Variants in MUC22 observed in about 807,000 individuals in gnomAD.
The protein encoded by MUC22 is mucin-22.
A neutral mutation model predicts 40.3 loss-of-function variants in MUC22; 24 were observed. The ratio of observed to expected loss-of-function variants is 0.60; its 90% CI spans 0.43 to 0.84. MUC22 has a LOEUF of 0.84. Among genes scored for constraint, MUC22 ranks in the 40% least tolerant of loss-of-function variants. The pLI, the probability that MUC22 is intolerant of heterozygous loss-of-function variation, is 0.00. For synonymous variants in MUC22, 765 were observed against 844.5 expected, an observed-to-expected ratio of 0.91 and a Z score of 1.63; for missense variants, 1,926 against 2,130.7, an observed-to-expected ratio of 0.90 and a Z score of 1.89.
chr6:31,025,440 A>T (rs999783598), intron 1 of MUC22, 62 bp from the exon 2 acceptor site: 2 of 1,434,752 alleles, frequency 1.4e-6, no homozygotes, highest in Non-Finnish European at 1.8e-6. Context: ...AAGTAACACT[A>T]TACTAAACCT....
At chr6:31,020,799 C>T (rs578183099) in intron 1 of MUC22, among the ~76,000 whole-genome samples, 2 of 147,878 alleles carry the variant, frequency 1.4e-5, no homozygotes, top group East Asian at 1.9e-4. Context: ...GTGGGCTTGG[C>T]GGCCCCGCAC....
intron 1 of MUC22, 78 bp from the exon 2 acceptor site, chr6:31,025,424 A>G (rs1046635028): frequency 1.0e-5 from 14 of 1,374,120 alleles, no homozygotes; most frequent in Admixed American, 2.9e-5. Flanking sequence ...TACTGAGTAT[A>G]TGTGAAAGTA....
intron 1 of MUC22, among the ~76,000 whole-genome samples, chr6:31,024,723 CG>C (rs891142858): frequency 1.3e-5 from 2 of 152,168 alleles, no homozygotes; most frequent in African/African-American, 4.8e-5. Flanking sequence ...TCTACCGCCT[CG>C]TTTTCTCCTT....
chr6:31,018,415 A>T (rs1245007303), intron 1 of MUC22, among the ~76,000 whole-genome samples: 1 of 152,200 alleles, frequency 6.6e-6, no homozygotes, highest in South Asian at 2.1e-4. Flanking sequence ...CAGAATTAAT[A>T]ATCTACCAGT....
rs561267367 is a variant in MUC22 at position 31,028,398 on chromosome 6, T to G, written c.2967T>G (p.Thr989=). 9.3e-6 allele frequency: 14 copies of G among 1,512,914 alleles called. No individual in the cohort carries two copies. The African/African-American group carries it at 1.3e-4, about 14-fold the overall frequency. The allele number at this position is 1,512,914 out of a possible 1,614,324, so 93.7% of individuals were successfully genotyped here. A position where few individuals can be genotyped will look rare whatever the true frequency, so the allele number is the denominator to read the frequency against. The change falls in exon 2 of 4, where the codon ACT becomes ACG. Residue 989 remains threonine (T), a synonymous_variant. Coordinates refer to ENST00000561890, the Ensembl canonical transcript of MUC22. ...GCTCTGAGACCACCACAGCCTCTAC[T>G]GAAGGCTCCGAGACCACCACAGCCT...
At chr6:31,007,100 G>A (rs1051782124), upstream of MUC22, among the ~76,000 whole-genome samples, 8 of 146,020 alleles carry the variant, frequency 5.5e-5, no homozygotes, top group Non-Finnish European at 3.0e-5. The surrounding 1 kb of genome is among the most constrained non-coding windows in gnomAD (Gnocchi z 4.0). Flanking sequence ...TTATTTCAAT[G>A]TCTACATTTA....
chr6:31,030,055 G>A (rs1352183869), exon 2 of MUC22: 5 of 1,535,110 alleles, frequency 3.3e-6, no homozygotes, highest in African/African-American at 2.7e-5. Context: ...ACTCACCAAG[G>A]CCACTGACGT....
exon 2 of MUC22, chr6:31,029,172 A>G (rs1765781894): frequency 6.5e-7 from 1 of 1,534,784 alleles, no homozygotes; most frequent in Non-Finnish European, 8.7e-7. Context: ...AGACCACCAC[A>G]GCCTCTATTG....
exon 4 of MUC22, chr6:31,034,908 C>A (rs149394903): frequency 6.5e-7 from 1 of 1,535,392 alleles, no homozygotes. Context: ...TGAATCATGG[C>A]GGGCATTATG....
chr6:31,018,493 ACCACTC>A (rs1372532477), intron 1 of MUC22, among the ~76,000 whole-genome samples: 1 of 151,764 alleles, frequency 6.6e-6, no homozygotes, highest in African/African-American at 2.4e-5. Flanking sequence ...TTGGAGAGTT[ACCACTC>A]ATCTGCCTAT....
At chr6:31,018,601 T>TA (rs1202292497) in intron 1 of MUC22, among the ~76,000 whole-genome samples, 1 of 152,286 alleles carries the variant, frequency 6.6e-6, no homozygotes, top group African/African-American at 2.4e-5. Flanking sequence ...CTCTACTTTT[T>TA]ATTCTTCTAT....
intron 1 of MUC22, among the ~76,000 whole-genome samples, chr6:31,013,566 C>T (rs1763996115): frequency 6.6e-6 from 1 of 152,222 alleles, no homozygotes; most frequent in Admixed American, 6.5e-5. Context: ...TCCTACAAGG[C>T]TTCTCATAAA....
Position 31,011,738 on chromosome 6 carries a change from C to G in MUC22, c.70+962C>G, listed in dbSNP as rs998494645. Among the ~76,000 whole-genome samples, 1 of 152,204 alleles carries G rather than the reference C, an allele frequency of 6.6e-6. No individual in the cohort carries two copies. Among genetic ancestry groups the G allele is most frequent in the African/African-American group, 2.4e-5 (1 of 41,442 alleles). ...ATTACTGGATCAAATGGTAGATCTA[C>G]TTTTAGTTCTTTAAGAAATCTCCAC... On this transcript the variant is annotated intron_variant, in intron 1 of 3. Transcript: ENST00000561890. The surrounding 1 kb of genome is among the most constrained non-coding windows in gnomAD (Gnocchi z 4.5).
At chr6:31,012,358 T>C (rs1264189737) in intron 1 of MUC22, among the ~76,000 whole-genome samples, 2 of 151,874 alleles carry the variant, frequency 1.3e-5, no homozygotes, top group African/African-American at 2.4e-5. Context: ...GCCTTCACCC[T>C]GAATGCTTCA....
chr6:31,026,592 C>T lies in MUC22; in HGVS notation c.1161C>T (p.Thr387=), dbSNP rs1041166800. The T allele has an allele frequency of 4.0e-6, 6 of 1,506,108 alleles. 1 individual carries two copies. Among genetic ancestry groups the T allele is most frequent in the African/African-American group, 2.8e-5 (2 of 71,808 alleles). The allele number at this position is 1,506,108 out of a possible 1,614,324, so 93.3% of individuals were successfully genotyped here. A position where few individuals can be genotyped will look rare whatever the true frequency, so the allele number is the denominator to read the frequency against. The stretch of plus-strand genomic sequence containing the variant: ...ACTCTACTACAAGCTCTGAGACCAC[C>T]GTCACCTCTACTGCAGGCTCTGAGA... Residue 387 remains threonine, a synonymous_variant, in exon 2 of 4, where the codon ACC becomes ACT. Transcript: ENST00000561890.
rs909072535 is a variant in MUC22, at chr6:31,010,782, T to C, written c.70+6T>C. 3.8e-5 allele frequency: 27 copies of C among 702,300 alleles called. No homozygotes were observed. Among genetic ancestry groups the C allele is most frequent in the Non-Finnish European group, 6.8e-5 (26 of 384,980 alleles). 43.5% of individuals were successfully genotyped at this position (702,300 alleles called of 1,614,324 possible). On this transcript the variant is annotated splice_donor_region_variant and intron_variant, in intron 1 of 3. Coordinates refer to ENST00000561890, the Ensembl canonical transcript of MUC22. ...CTTTGGACTTCTGGGACCCAGTAAG[T>C]GACTTAGCAGTTAAGGAGGGAGAGG...
chr6:31,010,496 C>G (rs911271841), exon 1 of MUC22: 2 of 552,150 alleles, frequency 3.6e-6, no homozygotes, highest in African/African-American at 3.8e-5. Flanking sequence ...AAATAAGAAG[C>G]CAAACTGTGG....
At position 31,032,055 on chromosome 6, in the gene MUC22, A is replaced by G. The variant is rs572986925; in HGVS notation, c.4670-141A>G. On this transcript the variant is annotated intron_variant, in intron 2 of 3. Transcript: ENST00000561890. This position sits in a 1 kb window ranked among gnomAD's most constrained non-coding sequence, Gnocchi z 4.1. ...GGCCACAGCAGAATCGCTTTCTACC[A>G]TCTCTCCTCCCCCACCACACCTCTC... 8.0e-6 allele frequency: 7 copies of G among 876,468 alleles called. No individual in the cohort carries two copies. The East Asian group carries it at 8.0e-5, about 10-fold the overall frequency. 54.3% of individuals were successfully genotyped at this position (876,468 alleles called of 1,614,324 possible). A position where few individuals can be genotyped will look rare whatever the true frequency, so the allele number is the denominator to read the frequency against.
At position 31,028,025 on chromosome 6, in the gene MUC22, C is replaced by T; in HGVS notation, c.2594C>T (p.Thr865Ile). ...ACAGCATCTACTGCAGATTCTGAGA[C>T]CACCTCAGCCTCTACTACAGGCTCT... The change falls in exon 2 of 4, where the codon ACC becomes ATC. Residue 865 changes from threonine (T) to isoleucine (I), a missense_variant. Coordinates refer to ENST00000561890, the Ensembl canonical transcript of MUC22. The T allele has an allele frequency of 1.5e-5, 23 of 1,533,114 alleles. 1 individual carries two copies. Among genetic ancestry groups the T allele is most frequent in the Non-Finnish European group, 2.0e-5 (23 of 1,146,226 alleles). 95.0% of individuals were successfully genotyped at this position (1,533,114 alleles called of 1,614,324 possible).
Sources: gnomAD v4.1 joint callset for allele counts (sites outside exome capture counted in the v4.1 genomes callset) on GRCh38, gnomAD v4.1.1 for gene constraint, Gnocchi (gnomAD v3.1) non-coding constraint, MANE v1.5 for transcripts, NCBI Gene and HGNC (gene_info 2026-07-23, HGNC 2026-07-21) for gene names.